DCAF7: variants seen among roughly 807,000 people sequenced by gnomAD.
DCAF7 encodes the protein DDB1 and CUL4 associated factor 7.
A neutral mutation model predicts 41.2 loss-of-function variants in DCAF7; 4 were observed. The observed-to-expected ratio is 0.10, with a 90% CI of 0.05 to 0.22. The LOEUF is 0.22. Ranked by LOEUF, DCAF7 falls within the 10% of genes least tolerant of loss-of-function variation. The probability of loss-of-function intolerance (pLI) is 1.00; values close to 1 mark genes in which losing one functional copy is unlikely to be tolerated. For missense variants in DCAF7, 131 were observed against 443.2 expected, an observed-to-expected ratio of 0.30 and a Z score of 6.32; for synonymous variants, 143 against 164.2, an observed-to-expected ratio of 0.87 and a Z score of 0.99.
intron 1 of DCAF7, among the ~76,000 whole-genome samples, chr17:63,554,923 T>C (rs1158798387): frequency 6.6e-6 from 1 of 152,184 alleles, no homozygotes; most frequent in African/African-American, 2.4e-5. Context: ...TTTTAAAGAC[T>C]CTGGGGGGAA....
At chr17:63,559,148 A>G (rs1006540735) in intron 1 of DCAF7, among the ~76,000 whole-genome samples, 15 of 151,046 alleles carry the variant, frequency 9.9e-5, no homozygotes, top group Non-Finnish European at 4.4e-5. Flanking sequence ...CGTCTCTACT[A>G]AAAATACGAA....
Position 63,589,343 on chromosome 17 carries a change from CTG to C in DCAF7, c.*174_*175del. ...TCCTGGCCAGTCACCCCATCGCCCT[CTG>C]TGGCAGACTCAGTGCTGTGTGGCGC... On this transcript the variant is annotated 3_prime_UTR_variant, in exon 7 of 7. Transcript: ENST00000614556. The C allele has an allele frequency of 1.2e-6, 1 of 862,760 alleles. No homozygotes were observed. The highest frequency in any genetic ancestry group is 1.9e-6 in the Non-Finnish European group (1 of 533,680). 53.4% of individuals were successfully genotyped at this position (862,760 alleles called of 1,614,324 possible).
At chr17:63,559,085 G>A (rs537877485) in intron 1 of DCAF7, among the ~76,000 whole-genome samples, 35 of 151,750 alleles carry the variant, frequency 2.3e-4, no homozygotes, top group African/African-American at 8.2e-4. Flanking sequence ...GCGGGGGCAG[G>A]CAGATCACGA....
In DCAF7 at chr17:63,589,250, A is replaced by G. The variant is rs975790520; in HGVS notation, c.*78A>G. 6.3e-7 allele frequency: 1 copy of G among 1,575,294 alleles called. No individual in the cohort carries two copies. Among genetic ancestry groups the G allele is most frequent in the Non-Finnish European group, 8.7e-7 (1 of 1,155,396 alleles). ...CCCCACCCCCAAAGTAAGAAGAAAC[A>G]TGTTTCCAGTGGCCAGTATGTCTTT... On this transcript the variant is annotated 3_prime_UTR_variant, in exon 7 of 7. Coordinates refer to ENST00000614556, the MANE Select transcript of DCAF7 (RefSeq NM_005828.5).
intron 1 of DCAF7, among the ~76,000 whole-genome samples, chr17:63,551,756 A>G (rs548394514): frequency 9.9e-5 from 15 of 152,002 alleles, no homozygotes; most frequent in Admixed American, 1.3e-4. Context: ...ATTTAAGAAG[A>G]GTAAAACTGG....
Position 63,590,083 on chromosome 17 carries a change from A to C in DCAF7, c.*911A>C, listed in dbSNP as rs2033718672. 6.6e-6 allele frequency: 1 copy of C among 152,662 alleles called. No individual in the cohort carries two copies. The highest frequency in any genetic ancestry group is 2.1e-4 in the South Asian group (1 of 4,824). The allele number at this position is 152,662 out of a possible 1,614,324, so 9.5% of individuals were successfully genotyped here. On this transcript the variant is annotated 3_prime_UTR_variant, in exon 7 of 7. Coordinates refer to ENST00000614556, the MANE Select transcript of DCAF7 (RefSeq NM_005828.5). ...GAAGCTGAACTTCAAGCATATTTCC[A>C]GTACATTCTTTCAGAGTCTGTTTTT...
intron 1 of DCAF7, among the ~76,000 whole-genome samples, chr17:63,565,693 A>G (rs533485508): frequency 1.3e-5 from 2 of 152,220 alleles, no homozygotes; most frequent in Non-Finnish European, 2.9e-5. Flanking sequence ...TATTGAGAGG[A>G]TTAAATGAGA....
At chr17:63,562,030 T>G (rs1037620529) in intron 1 of DCAF7, among the ~76,000 whole-genome samples, 1 of 143,048 alleles carries the variant, frequency 7.0e-6, no homozygotes, top group Non-Finnish European at 1.5e-5. Flanking sequence ...AAAAAAAAAC[T>G]TAGGGGGAAA....
intron 6 of DCAF7, among the ~76,000 whole-genome samples, chr17:63,588,533 T>C (rs1461653106): frequency 1.3e-5 from 2 of 148,572 alleles, no homozygotes; most frequent in East Asian, 3.8e-4. Context: ...TCAGCACTAC[T>C]TTATCAGTCT....
chr17:63,553,926 G>A (rs933114470), intron 1 of DCAF7, among the ~76,000 whole-genome samples: 21 of 152,190 alleles, frequency 1.4e-4, no homozygotes, highest in African/African-American at 4.6e-4. Flanking sequence ...TTATAGGGCT[G>A]GGCGTGGTGG....
At chr17:63,587,167 C>G (rs2033685950) in intron 6 of DCAF7, among the ~76,000 whole-genome samples, 1 of 152,122 alleles carries the variant, frequency 6.6e-6, no homozygotes, top group Non-Finnish European at 1.5e-5. Context: ...GCAATGTACT[C>G]TGGTGTTTTT....
At chr17:63,585,536 C>T (rs1479192551) in intron 6 of DCAF7, among the ~76,000 whole-genome samples, 6 of 152,212 alleles carry the variant, frequency 3.9e-5, no homozygotes. Context: ...GAACATCTTC[C>T]ATATATGATT....
intron 1 of DCAF7, among the ~76,000 whole-genome samples, chr17:63,569,504 C>T (rs911054170): frequency 6.6e-6 from 1 of 152,100 alleles, no homozygotes; most frequent in Non-Finnish European, 1.5e-5. Flanking sequence ...CAGGCCTGAT[C>T]TCCAGGCCGT....
At chr17:63,586,666 G>A (rs1278824652) in intron 6 of DCAF7, among the ~76,000 whole-genome samples, 2 of 151,878 alleles carry the variant, frequency 1.3e-5, no homozygotes, top group South Asian at 2.1e-4. Context: ...GGAGGCTGAG[G>A]CAGGAGAATC....
intron 1 of DCAF7, among the ~76,000 whole-genome samples, chr17:63,555,951 G>A (rs557978866): frequency 6.6e-6 from 1 of 152,310 alleles, no homozygotes; most frequent in Admixed American, 6.5e-5. Context: ...TCTCTGGTCA[G>A]CCTCTGAGCC....
chr17:63,592,966 C>A lies in DCAF7; in HGVS notation c.*3794C>A, dbSNP rs1256128349. The stretch of plus-strand genomic sequence containing the variant: ...TGTTTCTTCCTGCTGCCACCTGGGC[C>A]TTGAATTCCTGGGCTGTGAAGACAT... On this transcript the variant is annotated 3_prime_UTR_variant, in exon 7 of 7. Transcript: ENST00000614556. 6.5e-6 allele frequency: 1 copy of A among 152,770 alleles called. No individual in the cohort carries two copies. The highest frequency in any genetic ancestry group is 2.4e-5 in the African/African-American group (1 of 41,440). The allele number at this position is 152,770 out of a possible 1,614,324, so 9.5% of individuals were successfully genotyped here.
At chr17:63,588,188 G>GTTTTTTTTTTTT (rs1568106611) in intron 6 of DCAF7, among the ~76,000 whole-genome samples, 1 of 122,004 alleles carries the variant, frequency 8.2e-6, no homozygotes, top group African/African-American at 4.7e-5. Flanking sequence ...TATTTTCTTG[G>GTTTTTTTTTTTT]ATTTTTTTTT....
At chr17:63,570,331 G>C (rs1268214170) in intron 1 of DCAF7, among the ~76,000 whole-genome samples, 1 of 152,040 alleles carries the variant, frequency 6.6e-6, no homozygotes, top group Non-Finnish European at 1.5e-5. Context: ...GTATGCACCT[G>C]TAATCCCAGC....
intron 1 of DCAF7, among the ~76,000 whole-genome samples, chr17:63,559,572 C>T (rs867945023): frequency 2.0e-5 from 3 of 150,998 alleles, no homozygotes; most frequent in African/African-American, 4.9e-5. Context: ...GAGGCTGAGG[C>T]GGGTGGATCG....
Sources: allele counts gnomAD v4.1 joint callset (sites outside exome capture counted in the v4.1 genomes callset), GRCh38; gene constraint gnomAD v4.1.1; transcripts MANE v1.5; gene names NCBI Gene and HGNC (gene_info 2026-07-23, HGNC 2026-07-21).